SMPD3: variants seen among roughly 807,000 people sequenced by gnomAD.
SMPD3 encodes nSMase-2.
A neutral mutation model predicts 55.7 loss-of-function variants in SMPD3; 21 were observed. The observed-to-expected ratio is 0.38, with a 90% CI of 0.27 to 0.54. The LOEUF is 0.54. Ranked by LOEUF, SMPD3 falls within the 20% of genes least tolerant of loss-of-function variation. The pLI is 0.80. For missense variants in SMPD3, 842 were observed against 899.6 expected, an observed-to-expected ratio of 0.94 and a Z score of 0.82; for synonymous variants, 457 against 404.3, an observed-to-expected ratio of 1.13 and a Z score of -1.56.
chr16:68,432,083 C>T (rs1388550913), intron 1 of SMPD3, among the ~76,000 whole-genome samples: 1 of 151,850 alleles, frequency 6.6e-6, no homozygotes, highest in Non-Finnish European at 1.5e-5. Context: ...CACTGCACTC[C>T]AGCCTGGGTG....
intron 1 of SMPD3, among the ~76,000 whole-genome samples, chr16:68,419,319 T>C (rs1421796684): frequency 6.6e-6 from 1 of 152,220 alleles, no homozygotes; most frequent in African/African-American, 2.4e-5. Flanking sequence ...GGAACATGCA[T>C]TGAGCACATT....
At position 68,365,066 on chromosome 16, in the gene SMPD3, G is replaced by A. The variant is rs764152297; in HGVS notation, c.1350C>T (p.Asp450=). The A allele has an allele frequency of 6.2e-7, 1 of 1,614,068 alleles. No homozygotes were observed. Among genetic ancestry groups the A allele is most frequent in the Non-Finnish European group, 8.5e-7 (1 of 1,179,998 alleles). The change falls in exon 4 of 9, where the codon GAC becomes GAT. Residue 450 remains aspartate, a synonymous_variant. Transcript: ENST00000219334. ...LKVQVGSTPQ[D]QRIVGYIACT... ...AGGCGATGTACCCGACGATTCTTTG[G>A]TCCTGAGGTGTGCTTCCCACCTGCA...
chr16:68,415,429 T>C (rs1293337063), intron 1 of SMPD3, among the ~76,000 whole-genome samples: 2 of 152,218 alleles, frequency 1.3e-5, no homozygotes, highest in East Asian at 3.9e-4. Flanking sequence ...GCTGAGGGTC[T>C]AGCTGCAGTT....
rs115257054 is a variant in SMPD3, at chr16:68,443,382, G to T, written c.-269+4971C>A. 9.8e-3 allele frequency among the ~76,000 whole-genome samples: 1,488 copies of T among 152,308 alleles called. 17 individuals carry two copies. Among genetic ancestry groups the T allele is most frequent in the African/African-American group, 0.033 (1,386 of 41,566 alleles). On this transcript the variant is annotated intron_variant, in intron 1 of 8. Coordinates refer to ENST00000219334, the MANE Select transcript of SMPD3 (RefSeq NM_018667.4). ...ATCTGAGAGTGCAAATAGGTGGAAGGAATCTCTTAACAATATCTGAGTGTC... is the reference window on the plus strand; with the variant it reads ...ATCTGAGAGTGCAAATAGGTGGAAGTAATCTCTTAACAATATCTGAGTGTC...
intron 1 of SMPD3, among the ~76,000 whole-genome samples, chr16:68,421,657 G>C (rs1459033363): frequency 6.6e-6 from 1 of 152,196 alleles, no homozygotes; most frequent in Non-Finnish European, 1.5e-5. Context: ...GACTTGGCTA[G>C]GGAATGAGGC....
intron 2 of SMPD3, among the ~76,000 whole-genome samples, chr16:68,373,074 G>A (rs1044965350): frequency 6.6e-6 from 1 of 152,322 alleles, no homozygotes; most frequent in East Asian, 1.9e-4. Flanking sequence ...GGATCCAAGC[G>A]CAGCCTGCGT....
chr16:68,363,432 C>T, intron 7 of SMPD3, 64 bp downstream of exon 7: 6 of 1,582,338 alleles, frequency 3.8e-6, no homozygotes, highest in Non-Finnish European at 5.2e-6. Context: ...TGGGTCCTGC[C>T]CAGTCCCTGT....
At position 68,447,051 on chromosome 16, in the gene SMPD3, TC is replaced by T. The variant is rs1245827097; in HGVS notation, c.-269+1301del. Among the ~76,000 whole-genome samples, 1 of 151,796 alleles carries T rather than the reference TC, an allele frequency of 6.6e-6. No homozygotes were observed. On this transcript the variant is annotated intron_variant, in intron 1 of 8. Coordinates refer to ENST00000219334, the MANE Select transcript of SMPD3 (RefSeq NM_018667.4). The surrounding 1 kb of genome is among the most constrained non-coding windows in gnomAD (Gnocchi z 5.1). The stretch of plus-strand genomic sequence containing the variant: ...TCTCCCGCCCCGCTCCTGGCACGTT[TC>T]CGTGGAAGCTGCCCGCGCCGCGCCC...
At chr16:68,443,899 C>G (rs2090586933) in intron 1 of SMPD3, among the ~76,000 whole-genome samples, 1 of 152,130 alleles carries the variant, frequency 6.6e-6, no homozygotes, top group African/African-American at 2.4e-5. Flanking sequence ...AAATTCTTCC[C>G]CTTCTGTGTA....
At chr16:68,411,668 G>A (rs887425808) in intron 1 of SMPD3, among the ~76,000 whole-genome samples, 1 of 152,208 alleles carries the variant, frequency 6.6e-6, no homozygotes, top group African/African-American at 2.4e-5. Context: ...GCCACGTAGA[G>A]CATCCTTGTA....
chr16:68,384,382 T>C (rs1044675221), intron 2 of SMPD3, among the ~76,000 whole-genome samples: 5 of 152,234 alleles, frequency 3.3e-5, no homozygotes, highest in Admixed American at 2.6e-4. Flanking sequence ...AAACAGGCCC[T>C]TTCTCTCTTG....
chr16:68,361,908 CA>C, intron 7 of SMPD3, 149 bp from the exon 8 acceptor site: 8 of 1,205,284 alleles, frequency 6.6e-6, no homozygotes, highest in East Asian at 2.6e-5. Flanking sequence ...CCTGCGGGTC[CA>C]AAAAGGGCCT....
chr16:68,418,145 T>A (rs2090354211), intron 1 of SMPD3, among the ~76,000 whole-genome samples: 1 of 152,134 alleles, frequency 6.6e-6, no homozygotes, highest in Non-Finnish European at 1.5e-5. Flanking sequence ...CCAAGGTGCA[T>A]TTCTGGCTTG....
intron 1 of SMPD3, among the ~76,000 whole-genome samples, chr16:68,424,280 C>T (rs2090418437): frequency 6.6e-6 from 1 of 151,956 alleles, no homozygotes; most frequent in Non-Finnish European, 1.5e-5. Context: ...GCTTTGAATC[C>T]TGAACTCCCA....
At chr16:68,400,922 C>G (rs948975649) in intron 1 of SMPD3, among the ~76,000 whole-genome samples, 7 of 152,240 alleles carry the variant, frequency 4.6e-5, no homozygotes, top group Admixed American at 3.9e-4. Flanking sequence ...TGTGGGATCA[C>G]AGAGGCCAAA....
intron 1 of SMPD3, among the ~76,000 whole-genome samples, chr16:68,386,952 C>T (rs1034448810): frequency 2.6e-5 from 4 of 152,164 alleles, no homozygotes; most frequent in African/African-American, 7.2e-5. Context: ...GAGCCCTCCA[C>T]GTCGACACTG....
intron 1 of SMPD3, among the ~76,000 whole-genome samples, chr16:68,436,048 G>C (rs1287789699): frequency 6.6e-6 from 1 of 152,180 alleles, no homozygotes; most frequent in African/African-American, 2.4e-5. Flanking sequence ...GTGCCGAGGA[G>C]GTCTCAGGGC....
chr16:68,366,041 T>G (rs1363608655), intron 3 of SMPD3, among the ~76,000 whole-genome samples: 1 of 151,950 alleles, frequency 6.6e-6, no homozygotes, highest in Non-Finnish European at 1.5e-5. Flanking sequence ...CTCTGTACCC[T>G]CCCCAAGCCA....
chr16:68,362,093 G>T (rs1468949881), intron 7 of SMPD3, among the ~76,000 whole-genome samples: 1 of 152,204 alleles, frequency 6.6e-6, no homozygotes, highest in African/African-American at 2.4e-5. Context: ...GCCAACAGGG[G>T]CCTGTTTTGA....
Sources: gnomAD v4.1 joint callset for allele counts (sites outside exome capture counted in the v4.1 genomes callset) on GRCh38, gnomAD v4.1.1 for gene constraint, Gnocchi (gnomAD v3.1) non-coding constraint, MANE v1.5 for transcripts, NCBI Gene and HGNC (gene_info 2026-07-23, HGNC 2026-07-21) for gene names.